The following PLXNA4 variants were observed in gnomAD, a reference collection of about 807,000 sequenced individuals.
PLXNA4 encodes plexin A4, also known as plexin-A4.
PLXNA4 carries 44 observed loss-of-function variants against 191.8 expected under a neutral mutation model. The observed-to-expected ratio is 0.23, with a 90% confidence interval of 0.18 to 0.29. The LOEUF (loss-of-function observed/expected upper bound fraction) is 0.29, where lower values mean the gene tolerates loss of function less well. Among genes scored for constraint, PLXNA4 ranks in the 10% least tolerant of loss-of-function variants. PLXNA4 has a pLI of 1.00. For synonymous variants in PLXNA4, 1,082 were observed against 1,009.5 expected (o/e 1.07, Z -1.36); for missense variants, 1,800 against 2,488.8 (o/e 0.72, Z 5.89).
At chr7:132,338,645 A>C (rs1802909169) in intron 3 of PLXNA4, among the ~76,000 whole-genome samples, 1 of 152,224 alleles carries the variant, frequency 6.6e-6, no homozygotes, top group South Asian at 2.1e-4. Context: ...CTAGCCTGGA[A>C]TGTCTTGTAG....
intron 10 of PLXNA4, among the ~76,000 whole-genome samples, chr7:132,210,304 G>T (rs1797755709): frequency 6.6e-6 from 1 of 152,188 alleles, no homozygotes. Flanking sequence ...TTCACTGTGG[G>T]GTACCTAGGA....
chr7:132,399,178 G>A (rs1246095438), intron 3 of PLXNA4, among the ~76,000 whole-genome samples: 1 of 152,134 alleles, frequency 6.6e-6, no homozygotes, highest in East Asian at 1.9e-4. Context: ...TTTACACACA[G>A]TTCTGCAGAT....
At chr7:132,361,127 C>G (rs1226093858) in intron 3 of PLXNA4, among the ~76,000 whole-genome samples, 1 of 152,170 alleles carries the variant, frequency 6.6e-6, no homozygotes, top group Non-Finnish European at 1.5e-5. Flanking sequence ...GGTTGCTGCT[C>G]TGCTCCAGAT....
upstream of PLXNA4, chr7:132,576,760 C>T (rs1802259405): frequency 3.7e-6 from 1 of 268,976 alleles, no homozygotes; most frequent in Non-Finnish European, 5.7e-6. This position sits in a 1 kb window ranked among gnomAD's most constrained non-coding sequence, Gnocchi z 5.8. Context: ...GCAGCGGCGG[C>T]GGCTCTCGGG....
chr7:132,484,985 A>G (rs1432451323), intron 3 of PLXNA4: 3 of 1,614,176 alleles, frequency 1.9e-6, no homozygotes, highest in Non-Finnish European at 2.5e-6. Context: ...CTCCTGGGTG[A>G]TTCCCCCTTG....
intron 2 of PLXNA4, among the ~76,000 whole-genome samples, chr7:132,624,065 A>G (rs10273472): frequency 0.037 from 5,641 of 152,294 alleles, 481 homozygotes; most frequent in East Asian, 0.27. Context: ...GTCTCATTCA[A>G]TATTCAGAAC....
At chr7:132,619,181 G>T (rs760623453) in intron 2 of PLXNA4, among the ~76,000 whole-genome samples, 19 of 152,276 alleles carry the variant, frequency 1.2e-4, no homozygotes, top group Non-Finnish European at 2.4e-4. Context: ...CTTAAAAAGA[G>T]TGAAGTATAT....
intron 16 of PLXNA4, among the ~76,000 whole-genome samples, chr7:132,183,790 C>T (rs952141254): frequency 9.2e-5 from 14 of 152,150 alleles, no homozygotes; most frequent in African/African-American, 1.4e-4. Flanking sequence ...CTGCTGAGGA[C>T]GGCCAAATCT....
At chr7:132,209,721 C>T (rs923586710) in intron 10 of PLXNA4, among the ~76,000 whole-genome samples, 1 of 152,116 alleles carries the variant, frequency 6.6e-6, no homozygotes, top group African/African-American at 2.4e-5. Context: ...GAGTGTCCCA[C>T]GAAATCCTTT....
intron 4 of PLXNA4, among the ~76,000 whole-genome samples, chr7:132,271,881 GA>G (rs1279002880): frequency 6.6e-6 from 1 of 152,164 alleles, no homozygotes; most frequent in Non-Finnish European, 1.5e-5. Flanking sequence ...GTGGTAAAAG[GA>G]AAGAAAGAAA....
intron 4 of PLXNA4, among the ~76,000 whole-genome samples, chr7:132,259,743 T>A (rs1799569798): frequency 6.6e-6 from 1 of 152,164 alleles, no homozygotes; most frequent in African/African-American, 2.4e-5. Flanking sequence ...CAGTAGGCGA[T>A]GGATAAATAA....
chr7:132,317,797 A>T (rs906724873), intron 3 of PLXNA4, among the ~76,000 whole-genome samples: 5 of 152,206 alleles, frequency 3.3e-5, no homozygotes, highest in African/African-American at 9.7e-5. Context: ...GTGGAACACC[A>T]GTTGTAGGGA....
intron 2 of PLXNA4, among the ~76,000 whole-genome samples, chr7:132,633,952 T>C (rs1343006645): frequency 2.0e-5 from 3 of 150,608 alleles, no homozygotes; most frequent in African/African-American, 7.3e-5. Flanking sequence ...CACACGCACA[T>C]GCACCACACT....
intron 13 of PLXNA4, among the ~76,000 whole-genome samples, chr7:132,196,862 G>A (rs1026309569): frequency 4.6e-5 from 7 of 151,898 alleles, no homozygotes; most frequent in African/African-American, 7.3e-5. Flanking sequence ...TATGACTTTC[G>A]GTTCTTTTTT....
intron 3 of PLXNA4, among the ~76,000 whole-genome samples, chr7:132,345,196 T>C (rs939013033): frequency 1.3e-5 from 2 of 151,808 alleles, no homozygotes; most frequent in Non-Finnish European, 1.5e-5. Flanking sequence ...TTACGGCTGG[T>C]TACTTTGGCA....
intron 20 of PLXNA4, among the ~76,000 whole-genome samples, chr7:132,178,861 CACACACA>C: frequency 6.9e-6 from 1 of 144,248 alleles, no homozygotes; most frequent in Non-Finnish European, 1.5e-5. Context: ...CACACACACA[CACACACA>C]CACACAGCCT....
intron 3 of PLXNA4, among the ~76,000 whole-genome samples, chr7:132,305,944 G>A (rs558578814): frequency 7.1e-4 from 108 of 152,270 alleles, no homozygotes; most frequent in African/African-American, 2.3e-3. Flanking sequence ...ATGCAAGGGT[G>A]GGCTCTTATC....
intron 3 of PLXNA4, among the ~76,000 whole-genome samples, chr7:132,458,638 C>A (rs1796391997): frequency 6.6e-6 from 1 of 151,488 alleles, no homozygotes; most frequent in Non-Finnish European, 1.5e-5. Flanking sequence ...CATGAGAGGT[C>A]AGGATGGTGG....
At chr7:132,259,620 CT>C in intron 4 of PLXNA4, among the ~76,000 whole-genome samples, 1 of 152,132 alleles carries the variant, frequency 6.6e-6, no homozygotes, top group East Asian at 1.9e-4. Flanking sequence ...CATCTTGGTT[CT>C]TCTATAGTGA....
Sources: allele counts gnomAD v4.1 joint callset (sites outside exome capture counted in the v4.1 genomes callset), GRCh38; gene constraint gnomAD v4.1.1; non-coding constraint Gnocchi (gnomAD v3.1); transcripts MANE v1.5; gene names NCBI Gene and HGNC (gene_info 2026-07-23, HGNC 2026-07-21).